GABRA3: variants seen among roughly 807,000 people sequenced by gnomAD.
GABRA3 encodes gamma-aminobutyric acid receptor subunit alpha-3.
Under a neutral mutation model 30.1 loss-of-function variants are expected in GABRA3, and 10 were observed. The observed-to-expected ratio is 0.33, with a 90% CI of 0.20 to 0.56. The LOEUF (loss-of-function observed/expected upper bound fraction) is 0.56, where lower values mean the gene tolerates loss of function less well. Ranked by LOEUF, GABRA3 falls within the 20% of genes least tolerant of loss-of-function variation. The pLI, the probability that GABRA3 is intolerant of heterozygous loss-of-function variation, is 0.89. For missense variants in GABRA3, 233 were observed against 392.0 expected (o/e 0.59, Z 3.42); for synonymous variants, 151 against 146.8 (o/e 1.03, Z -0.21).
intron 1 of GABRA3, among the ~76,000 whole-genome samples, chrX:152,428,455 C>G (rs895417133): frequency 5.3e-5 from 6 of 112,312 alleles, no homozygotes; most frequent in Non-Finnish European, 1.1e-4. Flanking sequence ...CAGGAATGTG[C>G]AATGTGCATA....
chrX:152,246,643 C>T (rs1465632574), intron 5 of GABRA3, among the ~76,000 whole-genome samples: 1 of 111,566 alleles, frequency 9.0e-6, no homozygotes, highest in Non-Finnish European at 1.9e-5. Flanking sequence ...ATGAAGTGCA[C>T]ACAGTAATTT....
At chrX:152,315,987 C>A (rs1212930717) in intron 3 of GABRA3, among the ~76,000 whole-genome samples, 1 of 85,117 alleles carries the variant, frequency 1.2e-5, no homozygotes, top group Admixed American at 1.3e-4. Flanking sequence ...CCCCCCCCCA[C>A]CACATGATCC....
intron 5 of GABRA3, among the ~76,000 whole-genome samples, chrX:152,228,543 AAAT>A (rs909587524): frequency 1.8e-5 from 2 of 111,153 alleles, no homozygotes; most frequent in Admixed American, 9.6e-5. Context: ...AGTGTCTTGG[AAAT>A]AATAATATAA....
chrX:152,417,477 G>C (rs1471248067), intron 1 of GABRA3, among the ~76,000 whole-genome samples: 1 of 108,160 alleles, frequency 9.2e-6, no homozygotes, highest in Non-Finnish European at 1.9e-5. Context: ...CGATTCCTCA[G>C]GGATCTAGAA....
At chrX:152,233,915 A>T (rs1938142041) in intron 5 of GABRA3, among the ~76,000 whole-genome samples, 2 of 107,276 alleles carry the variant, frequency 1.9e-5, no homozygotes, top group African/African-American at 6.8e-5. Context: ...ATGAAATTGG[A>T]AATCATCATT....
chrX:152,326,247 T>C (rs1050633406), intron 3 of GABRA3, among the ~76,000 whole-genome samples: 2 of 111,429 alleles, frequency 1.8e-5, no homozygotes, highest in African/African-American at 3.3e-5. Context: ...CTGAAAGTGA[T>C]GGGGAGAATG....
intron 5 of GABRA3, among the ~76,000 whole-genome samples, chrX:152,227,459 C>CAT (rs1355458801): frequency 1.6e-4 from 17 of 105,023 alleles, no homozygotes; most frequent in African/African-American, 4.9e-4. Flanking sequence ...GTGCAGCACA[C>CAT]GAGCATGGCA....
intron 3 of GABRA3, among the ~76,000 whole-genome samples, chrX:152,328,268 G>A (rs919071798): frequency 2.7e-5 from 3 of 111,596 alleles, no homozygotes; most frequent in Non-Finnish European, 5.6e-5. Context: ...TCTAGCAGAG[G>A]TACAATGAGG....
At chrX:152,349,229 T>A (rs1422490876) in intron 2 of GABRA3, among the ~76,000 whole-genome samples, 1 of 105,661 alleles carries the variant, frequency 9.5e-6, no homozygotes, top group Non-Finnish European at 2.0e-5. Context: ...AAGAAGCAAC[T>A]CATCCCTTCA....
intron 5 of GABRA3, among the ~76,000 whole-genome samples, chrX:152,233,623 T>A (rs1323894328): frequency 9.1e-6 from 1 of 109,507 alleles, no homozygotes; most frequent in East Asian, 2.9e-4. Context: ...TCAACCATTG[T>A]GGAAGTCGGT....
chrX:152,366,178 C>G (rs1434465480), intron 1 of GABRA3, among the ~76,000 whole-genome samples: 2 of 111,809 alleles, frequency 1.8e-5, no homozygotes, highest in Non-Finnish European at 3.8e-5. Context: ...GATATACGCT[C>G]AAACATTCAC....
chrX:152,360,555 G>T (rs1317367232), intron 2 of GABRA3, among the ~76,000 whole-genome samples: 1 of 53,203 alleles, frequency 1.9e-5, no homozygotes, highest in Non-Finnish European at 3.4e-5. Flanking sequence ...GGTGGGGTCG[G>T]GGGAGGGGGG....
At chrX:152,280,751 A>C in intron 4 of GABRA3, among the ~76,000 whole-genome samples, 1 of 111,038 alleles carries the variant, frequency 9.0e-6, no homozygotes, top group South Asian at 3.8e-4. Flanking sequence ...TATCCTAGGA[A>C]ATTTCTCTGT....
chrX:152,168,736 A>G (rs1936968056), intron 9 of GABRA3, among the ~76,000 whole-genome samples, 173 bp from the exon 10 acceptor site: 1 of 112,518 alleles, frequency 8.9e-6, no homozygotes, highest in Non-Finnish European at 1.9e-5. Context: ...GAATAACTGA[A>G]GATGAGTATG....
intron 5 of GABRA3, among the ~76,000 whole-genome samples, chrX:152,240,787 C>A (rs1421658731): frequency 1.0e-5 from 1 of 99,279 alleles, no homozygotes; most frequent in Non-Finnish European, 2.0e-5. Flanking sequence ...TTGATCGCAT[C>A]GGCTCCTGAG....
intron 5 of GABRA3, among the ~76,000 whole-genome samples, chrX:152,237,906 G>A (rs1938261294): frequency 9.0e-6 from 1 of 110,500 alleles, no homozygotes; most frequent in Non-Finnish European, 1.9e-5. Context: ...AGACAATGGG[G>A]TTTTCTAGAT....
At chrX:152,252,441 A>G (rs1398757534) in intron 5 of GABRA3, among the ~76,000 whole-genome samples, 4 of 111,569 alleles carry the variant, frequency 3.6e-5, no homozygotes, top group Non-Finnish European at 7.5e-5. Context: ...AACTTGAAAA[A>G]TTCTGTTACC....
chrX:152,190,504 A>AT (rs199850641), intron 8 of GABRA3, among the ~76,000 whole-genome samples: 332 of 107,216 alleles, frequency 3.1e-3, no homozygotes, highest in East Asian at 0.018. Context: ...TCCCTAACCT[A>AT]TTTTTTTTTC....
intron 3 of GABRA3, among the ~76,000 whole-genome samples, chrX:152,307,474 T>A (rs1043109817): frequency 9.0e-6 from 1 of 111,424 alleles, no homozygotes; most frequent in African/African-American, 3.3e-5. Flanking sequence ...GGGCCAGAAT[T>A]TCCAGGGGAG....
Sources: allele counts gnomAD v4.1 joint callset (sites outside exome capture counted in the v4.1 genomes callset), GRCh38; gene constraint gnomAD v4.1.1; transcripts MANE v1.5; gene names NCBI Gene and HGNC (gene_info 2026-07-23, HGNC 2026-07-21).